The following CGNL1 variants were observed in gnomAD, a reference collection of about 807,000 sequenced individuals.
CGNL1 encodes cingulin-like protein 1.
A neutral mutation model predicts 141.2 loss-of-function variants in CGNL1; 132 were observed. That is an observed-to-expected ratio of 0.93 (90% CI 0.81 to 1.08). The LOEUF (loss-of-function observed/expected upper bound fraction) is 1.08, where lower values mean the gene tolerates loss of function less well. Among genes scored for constraint, CGNL1 ranks in the 50% least tolerant of loss-of-function variants. CGNL1 has a pLI of 0.00. For missense variants in CGNL1, 1,870 were observed against 1,588.6 expected, an observed-to-expected ratio of 1.18 and a Z score of -3.01; for synonymous variants, 690 against 622.1, an observed-to-expected ratio of 1.11 and a Z score of -1.63.
chr15:57,438,801 A>T lies in CGNL1; in HGVS notation c.802A>T (p.Thr268Ser), dbSNP rs201367700. 28 of 1,614,022 alleles carry T rather than the reference A, an allele frequency of 1.7e-5. No individual in the cohort carries two copies. Among genetic ancestry groups the T allele is most frequent in the Non-Finnish European group, 2.3e-5 (27 of 1,180,018 alleles). The change falls in exon 2 of 19, where the codon ACC (threonine) becomes TCC (serine). Residue 268 changes from threonine (T) to serine (S), a missense_variant. Thr to Ser is a moderately conservative substitution (Grantham distance 58). Transcript: ENST00000281282. The part of the protein sequence containing the change: ...TAHSPHAHPE[T>S]KKTRPDVLPF... ...CCACAGCCCACATGCCCACCCTGAA[A>T]CCAAGAAAACCAGGCCAGATGTTCT... is the stretch of plus-strand genomic sequence containing the variant.
chr15:57,510,589 C>T lies in CGNL1; in HGVS notation c.2404-6191C>T, dbSNP rs143358609. On this transcript the variant is annotated intron_variant, in intron 8 of 18. Coordinates refer to ENST00000281282, the MANE Select transcript of CGNL1 (RefSeq NM_032866.5). The stretch of plus-strand genomic sequence containing the variant: ...CCTGGAATACCAAGAACACAGTATC[C>T]TTAATATAAAAAGAGACATAGTAGA... 2.4e-3 allele frequency among the ~76,000 whole-genome samples: 359 copies of T among 152,280 alleles called. 3 individuals are homozygous for T. Among genetic ancestry groups the T allele is most frequent in the African/African-American group, 8.2e-3 (342 of 41,548 alleles).
At chr15:57,477,516 C>CT (rs2063672234) in intron 8 of CGNL1, 1 of 152,216 alleles carries the variant, frequency 6.6e-6, no homozygotes, top group Non-Finnish European at 1.5e-5. Flanking sequence ...GGGTTTATAA[C>CT]TATGACCCTA....
chr15:57,522,181 T>C (rs2031306676), intron 10 of CGNL1, among the ~76,000 whole-genome samples: 1 of 152,210 alleles, frequency 6.6e-6, no homozygotes, highest in South Asian at 2.1e-4. Context: ...GCAGCTTTTG[T>C]TAACCTTGGT....
chr15:57,476,145 C>T (rs1478192181), intron 8 of CGNL1, among the ~76,000 whole-genome samples: 3 of 152,112 alleles, frequency 2.0e-5, no homozygotes, highest in African/African-American at 7.2e-5. Context: ...CGGTGTGGGG[C>T]ATGAGAAGCT....
At chr15:57,426,478 T>C (rs149687868) in intron 1 of CGNL1, among the ~76,000 whole-genome samples, 289 of 148,460 alleles carry the variant, frequency 1.9e-3, no homozygotes, top group African/African-American at 6.7e-3. Context: ...ACAGGTTCTC[T>C]CTCTGTTGCC....
At chr15:57,490,774 G>A (rs987879881) in intron 8 of CGNL1, among the ~76,000 whole-genome samples, 3 of 152,166 alleles carry the variant, frequency 2.0e-5, no homozygotes, top group African/African-American at 7.2e-5. Flanking sequence ...GGACTGGGGA[G>A]TCAGTAGAGA....
intron 14 of CGNL1, among the ~76,000 whole-genome samples, chr15:57,543,405 C>T (rs1172996731): frequency 6.6e-6 from 1 of 152,168 alleles, no homozygotes; most frequent in African/African-American, 2.4e-5. Flanking sequence ...GGCAGAGGTA[C>T]TGGGGATTAG....
chr15:57,407,469 T>C (rs1418388512), intron 1 of CGNL1, among the ~76,000 whole-genome samples: 1 of 152,088 alleles, frequency 6.6e-6, no homozygotes, highest in Non-Finnish European at 1.5e-5. Flanking sequence ...GACCAGGAGT[T>C]TGAGACCAGC....
intron 8 of CGNL1, among the ~76,000 whole-genome samples, chr15:57,503,856 C>T (rs2064062322): frequency 6.6e-6 from 1 of 152,108 alleles, no homozygotes; most frequent in Non-Finnish European, 1.5e-5. Flanking sequence ...AGACTGGCCC[C>T]CATGATTCAA....
intron 1 of CGNL1, among the ~76,000 whole-genome samples, chr15:57,398,960 A>G (rs2062631015): frequency 6.6e-6 from 1 of 152,192 alleles, no homozygotes. Flanking sequence ...GCTCTCACAA[A>G]TCCTTCTTTC....
chr15:57,494,300 G>C (rs1206665098), intron 8 of CGNL1, among the ~76,000 whole-genome samples: 2 of 152,294 alleles, frequency 1.3e-5, no homozygotes, highest in African/African-American at 4.8e-5. Context: ...TTCTGAAATG[G>C]AGGCCAAGAA....
intron 8 of CGNL1, among the ~76,000 whole-genome samples, chr15:57,489,041 A>T (rs1380496439): frequency 6.6e-6 from 1 of 152,194 alleles, no homozygotes; most frequent in Non-Finnish European, 1.5e-5. Context: ...GTCACAGTTG[A>T]TATAACATCT....
intron 8 of CGNL1, among the ~76,000 whole-genome samples, chr15:57,486,321 A>T (rs2063784771): frequency 1.3e-5 from 2 of 152,130 alleles, no homozygotes; most frequent in Admixed American, 6.5e-5. Context: ...TCTTTGTGGA[A>T]ATGGGAATGA....
At chr15:57,544,346 C>A in intron 15 of CGNL1, 127 bp from the exon 16 acceptor site, 1 of 1,148,662 alleles carries the variant, frequency 8.7e-7, no homozygotes, top group Non-Finnish European at 1.2e-6. Context: ...AGGCCACAGG[C>A]CCTGGTGTGG....
chr15:57,432,525 A>C (rs78519582), intron 1 of CGNL1, among the ~76,000 whole-genome samples: 1 of 152,070 alleles, frequency 6.6e-6, no homozygotes, highest in Non-Finnish European at 1.5e-5. Flanking sequence ...CCAAAACACC[A>C]CTTTTATTTG....
intron 8 of CGNL1, among the ~76,000 whole-genome samples, chr15:57,474,002 C>T (rs1344879045): frequency 1.3e-5 from 2 of 149,730 alleles, no homozygotes; most frequent in Non-Finnish European, 3.0e-5. Flanking sequence ...CCTCTCCCTC[C>T]CGGGTTCAAG....
chr15:57,377,051 C>G (rs1264802596), intron 1 of CGNL1: 1 of 151,740 alleles, frequency 6.6e-6, no homozygotes, highest in Non-Finnish European at 1.5e-5. Flanking sequence ...ATCCTCCAGA[C>G]CACTGCGCCG....
At chr15:57,478,511 C>A (rs1475077211) in intron 8 of CGNL1, among the ~76,000 whole-genome samples, 1 of 152,158 alleles carries the variant, frequency 6.6e-6, no homozygotes, top group Admixed American at 6.5e-5. Context: ...ATTGCTACCT[C>A]CCTTTCCTGA....
intron 8 of CGNL1, among the ~76,000 whole-genome samples, chr15:57,475,476 A>C (rs1226424542): frequency 1.3e-5 from 2 of 150,932 alleles, no homozygotes; most frequent in African/African-American, 2.4e-5. Context: ...ACTGGGATCT[A>C]TGTATATACA....
Sources: allele counts gnomAD v4.1 joint callset (sites outside exome capture counted in the v4.1 genomes callset), GRCh38; gene constraint gnomAD v4.1.1; transcripts MANE v1.5; gene names NCBI Gene and HGNC (gene_info 2026-07-23, HGNC 2026-07-21).